ZNF570: variants seen among roughly 807,000 people sequenced by gnomAD.
ZNF570 encodes zinc finger protein 570.
A neutral mutation model predicts 14.2 loss-of-function variants in ZNF570; 8 were observed. The ratio of observed to expected loss-of-function variants is 0.56; its 90% confidence interval spans 0.33 to 1.02. The LOEUF (loss-of-function observed/expected upper bound fraction) is 1.02. Among genes scored for constraint, ZNF570 ranks in the 50% least tolerant of loss-of-function variants. ZNF570 has a pLI of 0.03. For missense variants in ZNF570, 559 were observed against 624.9 expected (o/e 0.89, Z 1.12); for synonymous variants, 202 against 207.6 (o/e 0.97, Z 0.23).
In ZNF570 at chr19:37,487,893, A is replaced by C. The variant is rs1222950745; in HGVS notation, c.*2660A>C. 1 of 152,224 alleles carries C rather than the reference A, an allele frequency of 6.6e-6. No individual in the cohort carries two copies. Among genetic ancestry groups the C allele is most frequent in the Non-Finnish European group, 1.5e-5 (1 of 68,050 alleles). The allele number at this position is 152,224 out of a possible 1,614,324, so 9.4% of individuals were successfully genotyped here. A position where few individuals can be genotyped will look rare whatever the true frequency, so the allele number is the denominator to read the frequency against. On this transcript the variant is annotated 3_prime_UTR_variant, in exon 5 of 5. Transcript: ENST00000330173. The stretch of plus-strand genomic sequence containing the variant: ...GGTATTACTAGTAGTAAGGGGATTC[A>C]CTAGTAGTAAGGGAAATGCAAAATA...
At chr19:37,478,072 A>G (rs781189774) in intron 4 of ZNF570, among the ~76,000 whole-genome samples, 11 of 152,214 alleles carry the variant, frequency 7.2e-5, no homozygotes, top group Non-Finnish European at 1.5e-4. Context: ...TTGGACATCA[A>G]TATAAAGTTT....
chr19:37,476,624 A>G, intron 4 of ZNF570, 190 bp downstream of exon 4: 1 of 774,206 alleles, frequency 1.3e-6, no homozygotes, highest in Non-Finnish European at 1.8e-6. Flanking sequence ...TTACTTTCCT[A>G]TCTCCTTTCT....
upstream of ZNF570, chr19:37,467,792 A>T: frequency 7.9e-7 from 1 of 1,261,430 alleles, no homozygotes; most frequent in South Asian, 1.3e-5. Flanking sequence ...GTCCAGTGAC[A>T]TCTGAGGTCG....
Position 37,478,801 on chromosome 19 carries a change from A to C in ZNF570, c.256+2367A>C. On this transcript the variant is annotated intron_variant, in intron 4 of 4. Transcript: ENST00000330173. ...AATAGGTTTTAGTTTTTCACATCTT[A>C]ATGTGGTAAATTACATACATTTTCA... Among the ~76,000 whole-genome samples the C allele has an allele frequency of 1.3e-5, 2 of 151,302 alleles. 1 individual carries two copies. Among genetic ancestry groups the C allele is most frequent in the Non-Finnish European group, 3.0e-5 (2 of 67,602 alleles).
At chr19:37,469,321 C>G, upstream of ZNF570, 1 of 1,417,210 alleles carries the variant, frequency 7.1e-7, no homozygotes, top group Non-Finnish European at 9.2e-7. Flanking sequence ...GCCGGCGGCC[C>G]CTTTGTGTCC....
rs1275881053 is a variant in ZNF570, at chr19:37,488,539, C to T, written c.*3306C>T. 1 of 152,052 alleles carries T rather than the reference C, an allele frequency of 6.6e-6. No individual in the cohort carries two copies. The highest frequency in any genetic ancestry group is 1.5e-5 in the Non-Finnish European group (1 of 68,010). 9.4% of individuals were successfully genotyped at this position (152,052 alleles called of 1,614,324 possible). On this transcript the variant is annotated 3_prime_UTR_variant, in exon 5 of 5. Transcript: ENST00000330173. Reference sequence around the variant, plus strand: ...TTAAAAATAAGCAAATACTGTATAGCCAATTCTTAAAATTTGATAAAGCTG... The same window carrying T: ...TTAAAAATAAGCAAATACTGTATAGTCAATTCTTAAAATTTGATAAAGCTG...
intron 4 of ZNF570, among the ~76,000 whole-genome samples, chr19:37,477,459 C>A (rs2042040622): frequency 6.6e-6 from 1 of 151,512 alleles, no homozygotes; most frequent in Non-Finnish European, 1.5e-5. Context: ...CCTGCCTCAG[C>A]CTCCCCAGTA....
At chr19:37,482,388 G>A (rs2042097336) in intron 4 of ZNF570, among the ~76,000 whole-genome samples, 2 of 152,230 alleles carry the variant, frequency 1.3e-5, no homozygotes, top group Admixed American at 1.3e-4. Flanking sequence ...TATGGCAGAA[G>A]GTGAACAGAG....
chr19:37,483,962 A>G lies in ZNF570; in HGVS notation c.340A>G (p.Thr114Ala), dbSNP rs2042115902. The change falls in exon 5 of 5, where the codon ACA becomes GCA. Residue 114 changes from threonine (T) to alanine (A), a missense_variant. Transcript: ENST00000330173. The part of the protein sequence containing the change: ...EEHQSQKIIE[T>A]LTSYNLEYSS... ...ACATCAATCCCAGAAGATAATAGAAACACTTACAAGCTATAACCTTGAATA... is the reference window on the plus strand; with the variant it reads ...ACATCAATCCCAGAAGATAATAGAAGCACTTACAAGCTATAACCTTGAATA... 6.8e-6 allele frequency: 11 copies of G among 1,613,960 alleles called. No individual in the cohort carries two copies. Among genetic ancestry groups the G allele is most frequent in the Non-Finnish European group, 9.3e-6 (11 of 1,180,006 alleles).
chr19:37,482,099 A>G (rs894701290), intron 4 of ZNF570, among the ~76,000 whole-genome samples: 2 of 152,182 alleles, frequency 1.3e-5, no homozygotes, highest in African/African-American at 4.8e-5. Flanking sequence ...ATTATAGCAT[A>G]TGTCAGAATT....
chr19:37,468,081 T>TG (rs35247758), upstream of ZNF570: 18,650 of 695,664 alleles, frequency 0.027, 298 homozygotes, highest in Middle Eastern at 0.059. Context: ...GTTTTTTTTT[T>TG]TTTGTTTGTT....
Position 37,469,405 on chromosome 19 carries a change from G to A in ZNF570, c.-204G>A, listed in dbSNP as rs2146998039. On this transcript the variant is annotated 5_prime_UTR_variant, in exon 1 of 5. Coordinates refer to ENST00000330173, the MANE Select transcript of ZNF570 (RefSeq NM_144694.5). ...TGGGTTCCATCCAACTAAGGGTAGC[G>A]GTGAGACCCGAGTGCAGATTCCCCG... 1 of 1,521,614 alleles carries A rather than the reference G, an allele frequency of 6.6e-7. No homozygotes were observed. Among genetic ancestry groups the A allele is most frequent in the Non-Finnish European group, 8.8e-7 (1 of 1,137,922 alleles). The allele number at this position is 1,521,614 out of a possible 1,614,324, so 94.3% of individuals were successfully genotyped here.
Position 37,469,432 on chromosome 19 carries a change from G to C in ZNF570, c.-177G>C. 1 of 1,533,858 alleles carries C rather than the reference G, an allele frequency of 6.5e-7. No individual in the cohort carries two copies. Among genetic ancestry groups the C allele is most frequent in the Non-Finnish European group, 8.7e-7 (1 of 1,145,190 alleles). On this transcript the variant is annotated 5_prime_UTR_variant, in exon 1 of 5. Coordinates refer to ENST00000330173, the MANE Select transcript of ZNF570 (RefSeq NM_144694.5). ...TGAGACCCGAGTGCAGATTCCCCGA[G>C]CCTTCGGGGCAGGAAGGAGATCTTC...
chr19:37,485,049 G>T lies in ZNF570; in HGVS notation c.1427G>T (p.Gly476Val). The T allele has an allele frequency of 1.2e-6, 2 of 1,614,024 alleles. No individual in the cohort carries two copies. The highest frequency in any genetic ancestry group is 1.7e-6 in the Non-Finnish European group (2 of 1,179,992). Residue 476 changes from glycine (G) to valine (V), a missense_variant, in exon 5 of 5, where the codon GGA (glycine) becomes GTA (valine). Physicochemically the swap from Gly to Val is moderately radical, Grantham distance 109. Transcript: ENST00000330173. ...GEKPYECTVCGKAFSYCGSLA... is the reference protein window; with the variant it reads ...GEKPYECTVCVKAFSYCGSLA... The stretch of plus-strand genomic sequence containing the variant: ...AAACCTTATGAATGTACTGTTTGTG[G>T]AAAGGCTTTTAGTTACTGTGGATCC...
intron 2 of ZNF570, among the ~76,000 whole-genome samples, chr19:37,474,948 T>C (rs529171331): frequency 6.8e-6 from 1 of 146,104 alleles, no homozygotes; most frequent in African/African-American, 2.6e-5. Context: ...TTAAGTTTTT[T>C]TTGTTTTGTT....
chr19:37,485,494 G>T lies in ZNF570; in HGVS notation c.*261G>T. 1 of 335,416 alleles carries T rather than the reference G, an allele frequency of 3.0e-6. No homozygotes were observed. Among genetic ancestry groups the T allele is most frequent in the Non-Finnish European group, 5.4e-6 (1 of 186,398 alleles). 20.8% of individuals were successfully genotyped at this position (335,416 alleles called of 1,614,324 possible). ...ACGATCTCAGCTCACTGCAACCTCT[G>T]ACTCCCAGCCTCTGCCTCCAGGGTT... On this transcript the variant is annotated 3_prime_UTR_variant, in exon 5 of 5. Transcript: ENST00000330173.
chr19:37,484,445 G>A lies in ZNF570; in HGVS notation c.823G>A (p.Glu275Lys). Residue 275 changes from glutamate to lysine, a missense_variant, in exon 5 of 5, where the codon GAA (glutamate) becomes AAA (lysine). Glu to Lys is a moderately conservative substitution (Grantham distance 56). Transcript: ENST00000330173. ...GATTCATACTGGAGAAAAACCCTATGAATGTAAGGAATGTAGGAAAGCCTT... is the reference window on the plus strand; with the variant it reads ...GATTCATACTGGAGAAAAACCCTATAAATGTAAGGAATGTAGGAAAGCCTT... Reference protein sequence around the residue: ...QRIHTGEKPYECKECRKAFSQ... With the variant: ...QRIHTGEKPYKCKECRKAFSQ... 1 of 1,613,918 alleles carries A rather than the reference G, an allele frequency of 6.2e-7. No individual in the cohort carries two copies. The highest frequency in any genetic ancestry group is 8.5e-7 in the Non-Finnish European group (1 of 1,179,966).
chr19:37,477,820 G>T (rs2042044912), intron 4 of ZNF570, among the ~76,000 whole-genome samples: 1 of 152,062 alleles, frequency 6.6e-6, no homozygotes, highest in Non-Finnish European at 1.5e-5. Context: ...GAAAACCAAA[G>T]GTCCCAGATA....
At position 37,484,938 on chromosome 19, in the gene ZNF570, A is replaced by G; in HGVS notation, c.1316A>G (p.Glu439Gly). ...CAGCATCAAAGAGTTCATACTGGAG[A>G]GAAACCCTATGAATGTATTGAATGT... ...LAQHQRVHTGEKPYECIECGK... is the reference protein window; with the variant it reads ...LAQHQRVHTGGKPYECIECGK... The change falls in exon 5 of 5, where the codon GAG (glutamate) becomes GGG (glycine). Residue 439 changes from glutamate to glycine, a missense_variant. Transcript: ENST00000330173. 4 of 1,614,124 alleles carry G rather than the reference A, an allele frequency of 2.5e-6. No homozygotes were observed. The highest frequency in any genetic ancestry group is 3.4e-6 in the Non-Finnish European group (4 of 1,180,004).
Sources: gnomAD v4.1 joint callset for allele counts (sites outside exome capture counted in the v4.1 genomes callset) on GRCh38, gnomAD v4.1.1 for gene constraint, MANE v1.5 for transcripts, NCBI Gene and HGNC (gene_info 2026-07-23, HGNC 2026-07-21) for gene names.